The following CDCA7L variants were observed in gnomAD, a reference collection of about 807,000 sequenced individuals.
The protein encoded by CDCA7L is cell division cycle-associated 7-like protein.
Under a neutral mutation model 57.4 loss-of-function variants are expected in CDCA7L, and 44 were observed. That is an observed-to-expected ratio of 0.77 (90% CI 0.60 to 0.98). CDCA7L has a LOEUF of 0.98. Among genes scored for constraint, CDCA7L ranks in the 50% least tolerant of loss-of-function variants. The pLI, the probability that CDCA7L is intolerant of heterozygous loss-of-function variation, is 0.00. For missense variants in CDCA7L, 644 were observed against 580.6 expected (o/e 1.11, Z -1.12); for synonymous variants, 236 against 202.8 (o/e 1.16, Z -1.39).
chr7:21,940,136 G>T, intron 1 of CDCA7L: 1 of 155,794 alleles, frequency 6.4e-6, no homozygotes, highest in Non-Finnish European at 1.4e-5. Flanking sequence ...ACAGTAAGTG[G>T]TATGCTGGCA....
intron 1 of CDCA7L, among the ~76,000 whole-genome samples, chr7:21,930,882 G>A (rs113252384): frequency 1.1e-4 from 16 of 151,780 alleles, no homozygotes; most frequent in African/African-American, 3.1e-4. Context: ...AAAATAGACC[G>A]CTAGCCAGAC....
At chr7:21,938,090 A>C (rs778596998) in intron 1 of CDCA7L, among the ~76,000 whole-genome samples, 30 of 152,316 alleles carry the variant, frequency 2.0e-4, no homozygotes, top group Middle Eastern at 3.4e-3. Context: ...ACTTTTGTGC[A>C]AAGGGCGCTA....
intron 1 of CDCA7L, among the ~76,000 whole-genome samples, chr7:21,922,637 A>G (rs1041424304): frequency 1.3e-5 from 2 of 152,246 alleles, no homozygotes; most frequent in South Asian, 2.1e-4. Flanking sequence ...CAGTATTAAT[A>G]TATCTACTAG....
chr7:21,937,531 G>C (rs186274529), intron 1 of CDCA7L, among the ~76,000 whole-genome samples: 1 of 151,898 alleles, frequency 6.6e-6, no homozygotes, highest in African/African-American at 2.4e-5. Flanking sequence ...CCGGCTACTC[G>C]GGAGGCTGAG....
At chr7:21,912,032 C>G (rs976451921) in intron 2 of CDCA7L, among the ~76,000 whole-genome samples, 1 of 151,374 alleles carries the variant, frequency 6.6e-6, no homozygotes, top group Non-Finnish European at 1.5e-5. Flanking sequence ...GAGACCGAGG[C>G]AGGCAGATCA....
rs1317062597 is a variant in CDCA7L, at chr7:21,901,553, A to C, written c.*769T>G. 2 of 229,164 alleles carry C rather than the reference A, an allele frequency of 8.7e-6. No homozygotes were observed. Among genetic ancestry groups the C allele is most frequent in the African/African-American group, 4.5e-5 (2 of 44,374 alleles). 14.2% of individuals were successfully genotyped at this position (229,164 alleles called of 1,614,324 possible). On this transcript the variant is annotated 3_prime_UTR_variant, in exon 10 of 10. Coordinates refer to ENST00000406877, the MANE Select transcript of CDCA7L (RefSeq NM_018719.5). ...CACTGCACTCCCTCCTGGGCAACAG[A>C]ACAAGACTCCATCTCAAAAAAAAAA...
chr7:21,926,277 A>G (rs1035627200), intron 1 of CDCA7L, among the ~76,000 whole-genome samples: 1 of 152,232 alleles, frequency 6.6e-6, no homozygotes, highest in African/African-American at 2.4e-5. Flanking sequence ...ACAAGCAACA[A>G]TTCGAGGAAA....
chr7:21,902,841 A>C, intron 9 of CDCA7L, 137 bp downstream of exon 9: 1 of 739,482 alleles, frequency 1.4e-6, no homozygotes, highest in East Asian at 2.6e-5. Flanking sequence ...ATGCAAACAG[A>C]TACAGAATGG....
intron 9 of CDCA7L, chr7:21,902,702 T>TTGTTCCTTCCATTTCTGTCATACACCTCA: frequency 2.0e-6 from 1 of 491,420 alleles, no homozygotes; most frequent in African/African-American, 1.9e-5. Context: ...CCTTGTTTGT[T>TTGTTCCTTCCATTTCTGTCATACACCTCA]TGTTCCTTCC....
intron 1 of CDCA7L, among the ~76,000 whole-genome samples, chr7:21,923,704 T>C (rs1785737383): frequency 6.6e-6 from 1 of 152,188 alleles, no homozygotes; most frequent in Admixed American, 6.5e-5. Flanking sequence ...GCTTCAGCTT[T>C]AGTGTCTGAC....
chr7:21,901,361 CGTGCAT>C lies in CDCA7L; in HGVS notation c.*955_*960del. 1.5e-6 allele frequency: 2 copies of C among 1,359,238 alleles called. No homozygotes were observed. Among genetic ancestry groups the C allele is most frequent in the Non-Finnish European group, 1.9e-6 (2 of 1,043,226 alleles). 84.2% of individuals were successfully genotyped at this position (1,359,238 alleles called of 1,614,324 possible). ...TATTCTAACTTTTTAGTAACTCACA[CGTGCAT>C]TCTTTTTTCAACGCTATCCTTAGAG... is the stretch of plus-strand genomic sequence containing the variant. On this transcript the variant is annotated 3_prime_UTR_variant, in exon 10 of 10. Coordinates refer to ENST00000406877, the MANE Select transcript of CDCA7L (RefSeq NM_018719.5).
At chr7:21,919,131 T>A (rs2128062873) in intron 1 of CDCA7L, among the ~76,000 whole-genome samples, 1 of 152,280 alleles carries the variant, frequency 6.6e-6, no homozygotes, top group South Asian at 2.1e-4. Flanking sequence ...AATTATTACA[T>A]TAGGGACTGC....
rs758104439 is a variant in CDCA7L at position 21,906,293 on chromosome 7, A to C, written c.917T>G (p.Ile306Ser). ...EFYSFRRRKT[I>S]GGKCREYRRR... ...CATGTATTAGTCAGAAAATACCCCA[A>C]TTGTCTTCCTTCTTCGGAAGCTGTA... The change falls in exon 6 of 10, where the codon ATT (isoleucine) becomes AGT (serine). Residue 306 changes from isoleucine to serine, a missense_variant. Ile to Ser is a moderately radical substitution (Grantham distance 142). Coordinates refer to ENST00000406877, the MANE Select transcript of CDCA7L (RefSeq NM_018719.5). 43 of 1,593,956 alleles carry C rather than the reference A, an allele frequency of 2.7e-5. 1 individual carries two copies. The South Asian group carries it at 4.6e-4, about 17-fold the overall frequency.
intron 1 of CDCA7L, among the ~76,000 whole-genome samples, chr7:21,941,098 C>G (rs147922824): frequency 1.3e-5 from 2 of 152,172 alleles, no homozygotes; most frequent in East Asian, 3.9e-4. Flanking sequence ...GGCACATTCC[C>G]TTTATGAGAT....
intron 1 of CDCA7L, among the ~76,000 whole-genome samples, chr7:21,939,583 A>G (rs1046899069): frequency 3.9e-5 from 6 of 152,194 alleles, no homozygotes; most frequent in Admixed American, 1.3e-4. Context: ...ATGTGAAGCC[A>G]ATGTTAAGAT....
intron 1 of CDCA7L, among the ~76,000 whole-genome samples, chr7:21,939,963 C>CAAAAAAAAAAAAAAAAAAA: frequency 8.6e-6 from 1 of 115,844 alleles, no homozygotes; most frequent in Non-Finnish European, 1.7e-5. Context: ...AGCTTCAAAC[C>CAAAAAAAAAAAAAAAAAAA]AAAAAAAAAA....
At chr7:21,944,818 C>A (rs1245328798) in intron 1 of CDCA7L, 5 of 150,836 alleles carry the variant, frequency 3.3e-5, no homozygotes, top group Admixed American at 3.3e-4. Flanking sequence ...GGAAAGTAAA[C>A]ACCAGTCGGA....
intron 1 of CDCA7L, among the ~76,000 whole-genome samples, chr7:21,924,047 A>G (rs1785751228): frequency 6.6e-6 from 1 of 152,244 alleles, no homozygotes; most frequent in African/African-American, 2.4e-5. Context: ...AAATATTTTA[A>G]CGTGAAGTAT....
rs1352061768 is a variant in CDCA7L, at chr7:21,902,097, C to T, written c.*225G>A. 1.8e-6 allele frequency: 1 copy of T among 541,276 alleles called. No homozygotes were observed. Among genetic ancestry groups the T allele is most frequent in the Non-Finnish European group, 3.3e-6 (1 of 301,340 alleles). 33.5% of individuals were successfully genotyped at this position (541,276 alleles called of 1,614,324 possible). A position where few individuals can be genotyped will look rare whatever the true frequency, so the allele number is the denominator to read the frequency against. On this transcript the variant is annotated 3_prime_UTR_variant, in exon 10 of 10. Coordinates refer to ENST00000406877, the MANE Select transcript of CDCA7L (RefSeq NM_018719.5). Reference sequence around the variant, plus strand: ...GGCAGATATTTTTAACAAAGTTCAGCATACAGACAGGTCTGTGCATACATC... The same window carrying T: ...GGCAGATATTTTTAACAAAGTTCAGTATACAGACAGGTCTGTGCATACATC...
Sources: allele counts gnomAD v4.1 joint callset (sites outside exome capture counted in the v4.1 genomes callset), GRCh38; gene constraint gnomAD v4.1.1; transcripts MANE v1.5; gene names NCBI Gene and HGNC (gene_info 2026-07-23, HGNC 2026-07-21).